The following MTFMT variants were observed in gnomAD, a reference collection of about 807,000 sequenced individuals.
MTFMT encodes the protein mitochondrial methionyl-tRNA formyltransferase.
A neutral mutation model predicts 51.8 loss-of-function variants in MTFMT; 47 were observed. That is an observed-to-expected ratio of 0.91 (90% CI 0.72 to 1.16). The LOEUF is 1.16. Among genes scored for constraint, MTFMT ranks in the 50% most tolerant of loss-of-function variants. The pLI, the probability that MTFMT is intolerant of heterozygous loss-of-function variation, is 0.00. For synonymous variants in MTFMT, 196 were observed against 176.7 expected, an observed-to-expected ratio of 1.11 and a Z score of -0.87; for missense variants, 512 against 482.3, an observed-to-expected ratio of 1.06 and a Z score of -0.58.
chr15:65,025,651 G>A (rs2086416662), intron 2 of MTFMT, among the ~76,000 whole-genome samples: 1 of 152,130 alleles, frequency 6.6e-6, no homozygotes, highest in Non-Finnish European at 1.5e-5. Flanking sequence ...CCAGGATTTT[G>A]GTGCAAGCAG....
Position 65,002,962 on chromosome 15 carries a change from CAAA to C in MTFMT, c.*97_*99del, listed in dbSNP as rs398027674. ...TGGGTGACAGAGTGAGACTCTGTCTCAAAAAAAAAAAAAAAAAAAAAAGTCCAG... is the reference window on the plus strand; with the variant it reads ...TGGGTGACAGAGTGAGACTCTGTCTCAAAAAAAAAAAAAAAAAAAGTCCAG... On this transcript the variant is annotated 3_prime_UTR_variant, in exon 9 of 9. Coordinates refer to ENST00000220058, the MANE Select transcript of MTFMT (RefSeq NM_139242.4). The C allele has an allele frequency of 0.01, 3,372 of 323,210 alleles. No homozygotes were observed. Among genetic ancestry groups the C allele is most frequent in the East Asian group, 0.017 (281 of 16,996 alleles). 20.0% of individuals were successfully genotyped at this position (323,210 alleles called of 1,614,324 possible). A position where few individuals can be genotyped will look rare whatever the true frequency, so the allele number is the denominator to read the frequency against.
At chr15:65,013,775 C>T (rs563907072) in intron 6 of MTFMT, among the ~76,000 whole-genome samples, 9 of 152,004 alleles carry the variant, frequency 5.9e-5, no homozygotes, top group Non-Finnish European at 1.0e-4. Context: ...GAAACCCCAT[C>T]TCTACTAAAA....
chr15:65,024,381 A>C (rs1201780035), intron 2 of MTFMT, among the ~76,000 whole-genome samples: 1 of 152,240 alleles, frequency 6.6e-6, no homozygotes, highest in Admixed American at 6.5e-5. Context: ...TTTAAAATGC[A>C]TTTATGACTA....
chr15:65,006,724 T>C lies in MTFMT; in HGVS notation c.814-533A>G, dbSNP rs891481128. Among the ~76,000 whole-genome samples, 11 of 152,178 alleles carry C rather than the reference T, an allele frequency of 7.2e-5. No individual in the cohort carries two copies. In the South Asian group the frequency reaches 2.3e-3, roughly 31 times the overall value. On this transcript the variant is annotated intron_variant, in intron 6 of 8. Transcript: ENST00000220058. ...CTTTAAAATCAATGTTTATATCTAA[T>C]ATACTAATATTTCCAATTAAAAATT... is the stretch of plus-strand genomic sequence containing the variant.
chr15:65,021,658 T>C, intron 3 of MTFMT, 42 bp from the exon 4 acceptor site: 1 of 1,426,658 alleles, frequency 7.0e-7, no homozygotes, highest in South Asian at 1.2e-5. Context: ...TGATTACCAT[T>C]TCCTGAATCA....
In MTFMT at chr15:65,005,042, C is replaced by T. The variant is rs917722137; in HGVS notation, c.893-106G>A. ...ACATCTTGGGAGGCAGTACTGATACCGGAGAGAACACATTTGCTGATGTTG... is the reference window on the plus strand; with the variant it reads ...ACATCTTGGGAGGCAGTACTGATACTGGAGAGAACACATTTGCTGATGTTG... On this transcript the variant is annotated intron_variant, in intron 7 of 8. Transcript: ENST00000220058. 12 of 734,752 alleles carry T rather than the reference C, an allele frequency of 1.6e-5. 1 individual carries two copies. The highest frequency in any genetic ancestry group is 1.1e-4 in the African/African-American group (6 of 56,460). The allele number at this position is 734,752 out of a possible 1,614,324, so 45.5% of individuals were successfully genotyped here. A position where few individuals can be genotyped will look rare whatever the true frequency, so the allele number is the denominator to read the frequency against.
intron 1 of MTFMT, among the ~76,000 whole-genome samples, chr15:65,028,159 C>T (rs961839869): frequency 2.0e-5 from 3 of 152,182 alleles, no homozygotes; most frequent in African/African-American, 7.2e-5. Context: ...ATGGCTCAGG[C>T]CTGTAATCTC....
At chr15:65,024,606 C>T (rs867635128) in intron 2 of MTFMT, among the ~76,000 whole-genome samples, 4 of 151,878 alleles carry the variant, frequency 2.6e-5, no homozygotes, top group Middle Eastern at 3.4e-3. Context: ...TCAGGAGATC[C>T]TCAGCCCAAT....
At chr15:65,009,752 CA>C (rs2086248204) in intron 6 of MTFMT, among the ~76,000 whole-genome samples, 2 of 151,950 alleles carry the variant, frequency 1.3e-5, no homozygotes, top group African/African-American at 4.8e-5. Context: ...CTCCCAGGGT[CA>C]AGTGATCCTC....
intron 5 of MTFMT, among the ~76,000 whole-genome samples, chr15:65,017,474 T>C (rs1183506806): frequency 6.6e-6 from 1 of 152,148 alleles, no homozygotes; most frequent in East Asian, 1.9e-4. Context: ...CAATAAGACA[T>C]CTGTTGGGTT....
In MTFMT at chr15:65,005,595, G is replaced by C. The variant is rs193106423; in HGVS notation, c.892+518C>G. The stretch of plus-strand genomic sequence containing the variant: ...GGAACACTGCTTTGCCTACTCCCCA[G>C]GGTCCTGTAATGATTTTTTTTTTTT... On this transcript the variant is annotated intron_variant, in intron 7 of 8. Transcript: ENST00000220058. Among the ~76,000 whole-genome samples, 947 of 147,960 alleles carry C rather than the reference G, an allele frequency of 6.4e-3. 4 individuals carry two copies. The highest frequency in any genetic ancestry group is 9.4e-3 in the Non-Finnish European group (637 of 67,410).
intron 7 of MTFMT, 112 bp downstream of exon 7, chr15:65,006,001 T>C: frequency 1.5e-6 from 1 of 666,686 alleles, no homozygotes. Flanking sequence ...ATTACTGAAC[T>C]GAAACAAACT....
At chr15:65,016,361 TA>T in intron 6 of MTFMT, 74 bp downstream of exon 6, 1 of 824,304 alleles carries the variant, frequency 1.2e-6, no homozygotes, top group Non-Finnish European at 2.0e-6. Flanking sequence ...TATTCCTAAA[TA>T]AAAATATTTA....
chr15:65,011,794 C>T (rs934716911), intron 6 of MTFMT, among the ~76,000 whole-genome samples: 4 of 152,006 alleles, frequency 2.6e-5, no homozygotes, highest in Non-Finnish European at 4.4e-5. Context: ...CCATGCCTGG[C>T]CTACCTGTCT....
intron 8 of MTFMT, 81 bp downstream of exon 8, chr15:65,004,773 G>A: frequency 1.1e-6 from 1 of 891,414 alleles, no homozygotes; most frequent in Non-Finnish European, 1.7e-6. Flanking sequence ...GTTAAGTGAA[G>A]TTCCAACTAA....
In MTFMT at chr15:65,023,661, A is replaced by T. The variant is rs1266156213; in HGVS notation, c.542+11T>A. The T allele has an allele frequency of 6.2e-7, 1 of 1,612,304 alleles. No homozygotes were observed. The highest frequency in any genetic ancestry group is 1.3e-5 in the African/African-American group (1 of 74,970). On this transcript the variant is annotated intron_variant, in intron 3 of 8. Coordinates refer to ENST00000220058, the MANE Select transcript of MTFMT (RefSeq NM_139242.4). Reference sequence around the variant, plus strand: ...ATCACAAAAATCTCAAGAAAGGAAAATATGTGCTACCTTTTAGGTCTAATT... The same window carrying T: ...ATCACAAAAATCTCAAGAAAGGAAATTATGTGCTACCTTTTAGGTCTAATT...
chr15:65,002,447 G>C lies in MTFMT; in HGVS notation c.*615C>G, dbSNP rs915739702. ...CAAAAAACCTCTTCTCAGTATGTATGTAGGTACATACATACACCAGTTAGG... is the reference window on the plus strand; with the variant it reads ...CAAAAAACCTCTTCTCAGTATGTATCTAGGTACATACATACACCAGTTAGG... On this transcript the variant is annotated 3_prime_UTR_variant, in exon 9 of 9. Transcript: ENST00000220058. 6.6e-6 allele frequency: 1 copy of C among 152,004 alleles called. No homozygotes were observed. Among genetic ancestry groups the C allele is most frequent in the Non-Finnish European group, 1.5e-5 (1 of 68,018 alleles). 9.4% of individuals were successfully genotyped at this position (152,004 alleles called of 1,614,324 possible).
At chr15:65,025,464 A>T (rs1439634071) in intron 2 of MTFMT, among the ~76,000 whole-genome samples, 1 of 152,158 alleles carries the variant, frequency 6.6e-6, no homozygotes, top group Non-Finnish European at 1.5e-5. Context: ...TTGGTAAAAG[A>T]CTGAGAGGGC....
At chr15:65,023,548 C>G (rs1475525492) in intron 3 of MTFMT, 124 bp downstream of exon 3, 2 of 827,538 alleles carry the variant, frequency 2.4e-6, no homozygotes, top group Non-Finnish European at 3.8e-6. Context: ...GATATAAAAG[C>G]AGAAGAAGCA....
Sources: gnomAD v4.1 joint callset for allele counts (sites outside exome capture counted in the v4.1 genomes callset) on GRCh38, gnomAD v4.1.1 for gene constraint, MANE v1.5 for transcripts, NCBI Gene and HGNC (gene_info 2026-07-23, HGNC 2026-07-21) for gene names.